The following FAT3 variants were observed in gnomAD, a reference collection of about 807,000 sequenced individuals.
FAT3 encodes protocadherin Fat 3.
A neutral mutation model predicts 310.2 loss-of-function variants in FAT3; 95 were observed. That is an observed-to-expected ratio of 0.31 (90% CI 0.26 to 0.36). FAT3 has a LOEUF of 0.36. Ranked by LOEUF, FAT3 falls within the 10% of genes least tolerant of loss-of-function variation. The pLI is 1.00. For synonymous variants in FAT3, 2,314 were observed against 2,192.9 expected, an observed-to-expected ratio of 1.06 and a Z score of -1.54; for missense variants, 5,408 against 5,715.6, an observed-to-expected ratio of 0.95 and a Z score of 1.74.
At chr11:92,762,198 A>T (rs377331183) in intron 5 of FAT3, 28 bp downstream of exon 5, 38 of 1,580,210 alleles carry the variant, frequency 2.4e-5, no homozygotes, top group Non-Finnish European at 3.0e-5. Context: ...CCAGCAGCAC[A>T]GCAGATGGGG....
chr11:92,391,515 C>T (rs1949748853), intron 2 of FAT3, among the ~76,000 whole-genome samples: 1 of 152,200 alleles, frequency 6.6e-6, no homozygotes, highest in Admixed American at 6.5e-5. Context: ...GTACTTTACA[C>T]AGGATCAGTG....
chr11:92,527,896 T>G (rs184429192), intron 3 of FAT3, among the ~76,000 whole-genome samples: 2 of 152,342 alleles, frequency 1.3e-5, no homozygotes, highest in East Asian at 1.9e-4. Flanking sequence ...TAGGAAAGAT[T>G]TATGCTTTAG....
At chr11:92,812,387 C>A (rs1947698956) in intron 13 of FAT3, among the ~76,000 whole-genome samples, 1 of 152,010 alleles carries the variant, frequency 6.6e-6, no homozygotes, top group Non-Finnish European at 1.5e-5. Context: ...TCATGACCAG[C>A]CCGGCCAATA....
At chr11:92,795,878 A>G (rs1947157481) in intron 9 of FAT3, among the ~76,000 whole-genome samples, 1 of 152,174 alleles carries the variant, frequency 6.6e-6, no homozygotes. Flanking sequence ...ACTGCACTCC[A>G]GCCTGGATGA....
chr11:92,674,989 CT>C (rs1250283632), intron 3 of FAT3, among the ~76,000 whole-genome samples: 2 of 152,160 alleles, frequency 1.3e-5, no homozygotes, highest in Non-Finnish European at 2.9e-5. Context: ...CTTGTTCCTC[CT>C]CTGAAATTGA....
chr11:92,768,005 A>G (rs925735703), intron 6 of FAT3, among the ~76,000 whole-genome samples: 2 of 152,178 alleles, frequency 1.3e-5, no homozygotes, highest in African/African-American at 4.8e-5. Context: ...GTCCAAGAAG[A>G]GAGAGGCAGT....
At chr11:92,517,152 A>G (rs963718086) in intron 2 of FAT3, among the ~76,000 whole-genome samples, 1 of 152,202 alleles carries the variant, frequency 6.6e-6, no homozygotes, top group African/African-American at 2.4e-5. Flanking sequence ...ATATGGAACC[A>G]AAAGAGAGCC....
intron 7 of FAT3, among the ~76,000 whole-genome samples, chr11:92,775,536 T>C (rs1482138213): frequency 6.6e-6 from 1 of 152,194 alleles, no homozygotes; most frequent in African/African-American, 2.4e-5. Context: ...CTCCAACCTG[T>C]GTCCTTTCCC....
chr11:92,671,631 T>C (rs1330622796), intron 3 of FAT3, among the ~76,000 whole-genome samples: 4 of 152,134 alleles, frequency 2.6e-5, no homozygotes, highest in Non-Finnish European at 1.5e-5. Flanking sequence ...CTTCAAAGCA[T>C]TTATTGTTTC....
At position 92,521,324 on chromosome 11, in the gene FAT3, A is replaced by T. The variant is rs369546028; in HGVS notation, c.3293-3310A>T. ...GCCAGATACTTTCACACACAAAAAA[A>T]TTATGTAATGGGCAAATCACAAAGA... On this transcript the variant is annotated intron_variant, in intron 2 of 27. Coordinates refer to ENST00000525166, the MANE Select transcript of FAT3 (RefSeq NM_001367949.2). Among the ~76,000 whole-genome samples, 7 of 152,266 alleles carry T rather than the reference A, an allele frequency of 4.6e-5. No homozygotes were observed. In the East Asian group the frequency reaches 9.7e-4, roughly 21 times the overall value.
chr11:92,329,875 C>T (rs1472930912), intron 1 of FAT3, among the ~76,000 whole-genome samples: 1 of 150,894 alleles, frequency 6.6e-6, no homozygotes, highest in Non-Finnish European at 1.5e-5. Context: ...AAGAAACTGT[C>T]GGGGAGGAAT....
At chr11:92,518,315 C>T (rs1004281593) in intron 2 of FAT3, among the ~76,000 whole-genome samples, 1 of 152,074 alleles carries the variant, frequency 6.6e-6, no homozygotes, top group African/African-American at 2.4e-5. Context: ...ACATATACAC[C>T]ATGGAATACT....
Position 92,352,262 on chromosome 11 carries a change from T to C in FAT3, c.150T>C (p.Ala50=). ...ACTTCACACATTCCATTTATAATGC[T>C]ACCGTGTATGAGAACTCAGCAGCAA... ...GFHFTHSIYN[A]TVYENSAART... The change falls in exon 2 of 28, where the codon GCT becomes GCC. Residue 50 remains alanine (A), a synonymous_variant. Transcript: ENST00000525166. 7.0e-7 allele frequency: 1 copy of C among 1,430,114 alleles called. No individual in the cohort carries two copies. Among genetic ancestry groups the C allele is most frequent in the Non-Finnish European group, 9.4e-7 (1 of 1,063,528 alleles). 88.6% of individuals were successfully genotyped at this position (1,430,114 alleles called of 1,614,324 possible). A position where few individuals can be genotyped will look rare whatever the true frequency, so the allele number is the denominator to read the frequency against.
At chr11:92,366,979 G>A (rs898329258) in intron 2 of FAT3, 3 of 524,532 alleles carry the variant, frequency 5.7e-6, no homozygotes, top group Non-Finnish European at 1.1e-5. Flanking sequence ...GACACCCATA[G>A]TGCCCTTATT....
At chr11:92,404,113 C>G (rs1414369261) in intron 2 of FAT3, among the ~76,000 whole-genome samples, 1 of 152,024 alleles carries the variant, frequency 6.6e-6, no homozygotes, top group Non-Finnish European at 1.5e-5. Context: ...AGAAAAACAA[C>G]TACAGGTTTT....
intron 3 of FAT3, among the ~76,000 whole-genome samples, chr11:92,690,977 T>C (rs1409407486): frequency 3.3e-5 from 5 of 152,230 alleles, no homozygotes; most frequent in African/African-American, 9.6e-5. Flanking sequence ...ATAGGATGTT[T>C]AATTTCATGT....
chr11:92,530,008 A>G (rs940938277), intron 3 of FAT3, among the ~76,000 whole-genome samples: 10 of 152,210 alleles, frequency 6.6e-5, no homozygotes, highest in African/African-American at 2.4e-4. Context: ...GAATACCTCA[A>G]ATTCTACCTT....
chr11:92,392,349 G>A (rs1035882972), intron 2 of FAT3, among the ~76,000 whole-genome samples: 1 of 152,000 alleles, frequency 6.6e-6, no homozygotes, highest in Admixed American at 6.6e-5. Flanking sequence ...TTCTTATTTA[G>A]TGTTACTATT....
intron 1 of FAT3, among the ~76,000 whole-genome samples, chr11:92,349,241 C>T (rs938053569): frequency 2.6e-5 from 4 of 152,112 alleles, no homozygotes; most frequent in African/African-American, 4.8e-5. Context: ...AGTATTTCAC[C>T]TTGAGAGAGT....
Sources: allele counts gnomAD v4.1 joint callset (sites outside exome capture counted in the v4.1 genomes callset), GRCh38; gene constraint gnomAD v4.1.1; transcripts MANE v1.5; gene names NCBI Gene and HGNC (gene_info 2026-07-23, HGNC 2026-07-21).